The following OR14A2 variants were observed in gnomAD, a reference collection of about 807,000 sequenced individuals.
OR14A2 encodes the protein olfactory receptor 14A2.
For synonymous variants in OR14A2, 114 were observed against 58.6 expected (o/e 1.95, Z -4.32); for missense variants, 237 against 152.9 (o/e 1.55, Z -2.90).
At chr1:247,730,652 AAAT>A in the OR14A2 span, among the ~76,000 whole-genome samples, 1 of 152,028 alleles carries the variant, frequency 6.6e-6, no homozygotes, top group Non-Finnish European at 1.5e-5. Context: ...CCTTCTTGTA[AAAT>A]AATATCTTTG....
the OR14A2 span, among the ~76,000 whole-genome samples, chr1:247,742,198 T>G: frequency 6.6e-6 from 1 of 152,348 alleles, no homozygotes; most frequent in South Asian, 2.1e-4. Flanking sequence ...ACCATGTAAT[T>G]TTTATTTTAA....
At chr1:247,727,516 G>T (rs1660404566), upstream of OR14A2, among the ~76,000 whole-genome samples, 1 of 151,854 alleles carries the variant, frequency 6.6e-6, no homozygotes, top group Non-Finnish European at 1.5e-5. Flanking sequence ...AAAAGAACTA[G>T]AAAAGCAAGA....
the OR14A2 span, among the ~76,000 whole-genome samples, chr1:247,744,420 CT>C: frequency 1.3e-5 from 2 of 151,694 alleles, no homozygotes; most frequent in African/African-American, 4.9e-5. This position sits in a 1 kb window ranked among gnomAD's most constrained non-coding sequence, Gnocchi z 4.3. Context: ...GTCTTCATTC[CT>C]CAATATATCT....
At chr1:247,732,661 A>C in the OR14A2 span, among the ~76,000 whole-genome samples, 1 of 152,162 alleles carries the variant, frequency 6.6e-6, no homozygotes, top group Non-Finnish European at 1.5e-5. Flanking sequence ...GTGCTTATAG[A>C]AGTTTTATTT....
At chr1:247,743,768 G>A in the OR14A2 span, among the ~76,000 whole-genome samples, 1 of 152,004 alleles carries the variant, frequency 6.6e-6, no homozygotes, top group African/African-American at 2.4e-5. Flanking sequence ...GTACCTTAGA[G>A]TCTATCTTTT....
At chr1:247,734,801 A>T in the OR14A2 span, among the ~76,000 whole-genome samples, 2,111 of 152,322 alleles carry the variant, frequency 0.014, 19 homozygotes, top group Non-Finnish European at 0.023. Context: ...TTCGCAATGA[A>T]TGTGGGGTGT....
the OR14A2 span, chr1:247,739,016 G>T: frequency 2.6e-6 from 2 of 780,742 alleles, no homozygotes; most frequent in Non-Finnish European, 4.8e-6. Flanking sequence ...AGGCTGTCAT[G>T]AGCAGAGGGC....
At chr1:247,739,264 T>A in the OR14A2 span, 1 of 780,780 alleles carries the variant, frequency 1.3e-6, no homozygotes, top group Non-Finnish European at 2.4e-6. Context: ...GTTTCCTATG[T>A]GTACATTTTC....
the OR14A2 span, among the ~76,000 whole-genome samples, chr1:247,729,966 A>G: frequency 6.6e-6 from 1 of 152,264 alleles, no homozygotes. Flanking sequence ...GATACAGTTT[A>G]TGGAAACTGC....
the OR14A2 span, among the ~76,000 whole-genome samples, chr1:247,740,664 A>G: frequency 2.0e-5 from 3 of 152,220 alleles, no homozygotes; most frequent in African/African-American, 7.2e-5. Flanking sequence ...TTAATATTAT[A>G]TAACATTTCA....
chr1:247,732,607 C>T, the OR14A2 span, among the ~76,000 whole-genome samples: 1 of 152,056 alleles, frequency 6.6e-6, no homozygotes. Context: ...TGGTACTTAC[C>T]CAACTGATTT....
chr1:247,736,304 T>A, the OR14A2 span, among the ~76,000 whole-genome samples: 1 of 152,144 alleles, frequency 6.6e-6, no homozygotes, highest in African/African-American at 2.4e-5. Flanking sequence ...ACTTACCCTA[T>A]CTTCCCAGCC....
the OR14A2 span, among the ~76,000 whole-genome samples, chr1:247,736,432 C>A: frequency 1.3e-5 from 2 of 151,930 alleles, no homozygotes; most frequent in African/African-American, 4.8e-5. Context: ...TTTCCCTGGA[C>A]CAAATAAGTA....
exon 1 of OR14A2, chr1:247,723,288 A>T (rs1314183601): frequency 1.1e-5 from 8 of 717,470 alleles, no homozygotes; most frequent in Non-Finnish European, 2.1e-5. Flanking sequence ...CAAAATAAGC[A>T]GTTATGATAA....
chr1:247,725,532 T>A (rs145287275), upstream of OR14A2, among the ~76,000 whole-genome samples: 6,622 of 150,730 alleles, frequency 0.044, 170 homozygotes, highest in African/African-American at 0.065. Flanking sequence ...TTATTTATTT[T>A]TTTTATTTTT....
At chr1:247,736,215 A>C in the OR14A2 span, among the ~76,000 whole-genome samples, 1 of 137,834 alleles carries the variant, frequency 7.3e-6, no homozygotes, top group African/African-American at 2.7e-5. Flanking sequence ...CATTCTCTCC[A>C]TTCCTCATAT....
chr1:247,723,855 G>A (rs1284763357), exon 1 of OR14A2: 1 of 717,704 alleles, frequency 1.4e-6, no homozygotes, highest in Non-Finnish European at 2.6e-6. Context: ...AAAAGGATAA[G>A]TTCTTCAGGA....
downstream of OR14A2, chr1:247,722,957 T>A: frequency 1.6e-6 from 1 of 610,944 alleles, no homozygotes; most frequent in Non-Finnish European, 3.0e-6. Context: ...AAATAGTCAG[T>A]TAGGCTCTTG....
the OR14A2 span, among the ~76,000 whole-genome samples, chr1:247,737,863 G>A: frequency 6.6e-6 from 1 of 152,138 alleles, no homozygotes; most frequent in African/African-American, 2.4e-5. Context: ...AGATATCCCT[G>A]TCTGTCGCTT....
Sources: allele counts gnomAD v4.1 joint callset (sites outside exome capture counted in the v4.1 genomes callset), GRCh38; gene constraint gnomAD v4.1.1; non-coding constraint Gnocchi (gnomAD v3.1); transcripts MANE v1.5; gene names NCBI Gene and HGNC (gene_info 2026-07-23, HGNC 2026-07-21).